The following GPC3 variants were observed in gnomAD, a reference collection of about 807,000 sequenced individuals.
GPC3 encodes glypican 3.
A neutral mutation model predicts 34.4 loss-of-function variants in GPC3; 3 were observed. The ratio of observed to expected loss-of-function variants is 0.09; its 90% CI spans 0.04 to 0.23. The LOEUF is 0.23. Ranked by LOEUF, GPC3 falls within the 10% of genes least tolerant of loss-of-function variation. The pLI is 1.00. For synonymous variants in GPC3, 177 were observed against 174.0 expected (o/e 1.02, Z -0.13); for missense variants, 351 against 445.6 (o/e 0.79, Z 1.91).
At chrX:133,767,048 T>C (rs2071854715) in intron 2 of GPC3, among the ~76,000 whole-genome samples, 1 of 112,331 alleles carries the variant, frequency 8.9e-6, no homozygotes, top group Non-Finnish European at 1.9e-5. Context: ...CAGCCAAGAT[T>C]TGAATATAAG....
intron 2 of GPC3, among the ~76,000 whole-genome samples, chrX:133,798,968 G>A (rs1383004841): frequency 7.1e-5 from 8 of 111,908 alleles, no homozygotes; most frequent in South Asian, 3.8e-4. Flanking sequence ...GTAGGGTCCC[G>A]TGCAAAATAA....
intron 7 of GPC3, among the ~76,000 whole-genome samples, chrX:133,574,583 G>A (rs1028065878): frequency 9.8e-5 from 11 of 112,074 alleles, no homozygotes; most frequent in Middle Eastern, 4.6e-3. Context: ...AAGGTTGTAG[G>A]TTTTTCAAAC....
chrX:133,704,369 C>T, intron 3 of GPC3: 1 of 366,258 alleles, frequency 2.7e-6, no homozygotes, highest in Non-Finnish European at 4.5e-6. Context: ...GCCTGAGGAA[C>T]CTGTAATAAA....
chrX:133,584,738 C>G (rs1399443657), intron 7 of GPC3, among the ~76,000 whole-genome samples: 2 of 110,902 alleles, frequency 1.8e-5, no homozygotes, highest in Non-Finnish European at 3.8e-5. Context: ...CTTGGCCTCC[C>G]AAGCTGCTGG....
intron 5 of GPC3, among the ~76,000 whole-genome samples, chrX:133,681,137 T>C (rs1383575229): frequency 8.9e-6 from 1 of 111,899 alleles, no homozygotes; most frequent in East Asian, 2.8e-4. Context: ...CAATAATAGC[T>C]ACCATTTTTG....
intron 7 of GPC3, among the ~76,000 whole-genome samples, chrX:133,542,959 A>C (rs2124266776): frequency 8.9e-6 from 1 of 111,902 alleles, no homozygotes; most frequent in African/African-American, 3.2e-5. Context: ...ATGTGAAATG[A>C]CTAGACTTTA....
intron 2 of GPC3, among the ~76,000 whole-genome samples, chrX:133,754,797 G>T (rs751206880): frequency 8.9e-6 from 1 of 112,128 alleles, no homozygotes; most frequent in South Asian, 3.7e-4. Flanking sequence ...TTGTATCTGG[G>T]TGGAAAAATA....
intron 3 of GPC3, among the ~76,000 whole-genome samples, chrX:133,752,979 C>A (rs185990316): frequency 8.9e-6 from 1 of 111,905 alleles, no homozygotes; most frequent in African/African-American, 3.2e-5. Flanking sequence ...ACTAACTTTA[C>A]GTGGGTGCTC....
chrX:133,574,989 C>T (rs1288546311), intron 7 of GPC3, among the ~76,000 whole-genome samples: 1 of 111,848 alleles, frequency 8.9e-6, no homozygotes, highest in African/African-American at 3.3e-5. Flanking sequence ...AAGGCATAGA[C>T]AGGAGTACCA....
intron 5 of GPC3, among the ~76,000 whole-genome samples, chrX:133,683,624 A>G (rs2070967518): frequency 8.9e-6 from 1 of 112,200 alleles, no homozygotes; most frequent in Non-Finnish European, 1.9e-5. Flanking sequence ...CAGGTTGTCT[A>G]TAGACATATC....
intron 2 of GPC3, among the ~76,000 whole-genome samples, chrX:133,880,449 C>G (rs1237537622): frequency 8.9e-6 from 1 of 111,929 alleles, no homozygotes; most frequent in Non-Finnish European, 1.9e-5. Flanking sequence ...GATCAAAGAT[C>G]TAGAGGCAGC....
intron 5 of GPC3, among the ~76,000 whole-genome samples, chrX:133,665,680 A>G (rs1451156663): frequency 8.9e-6 from 1 of 112,056 alleles, no homozygotes; most frequent in Non-Finnish European, 1.9e-5. Flanking sequence ...TCAAATACCA[A>G]TTGCCTTTGG....
At chrX:133,632,505 T>A (rs780625137) in intron 6 of GPC3, among the ~76,000 whole-genome samples, 48 of 111,844 alleles carry the variant, frequency 4.3e-4, no homozygotes, top group Non-Finnish European at 7.0e-4. Context: ...ATATATAATT[T>A]CTAAATTTCT....
chrX:133,713,897 A>G (rs1003481688), intron 3 of GPC3, among the ~76,000 whole-genome samples: 4 of 112,013 alleles, frequency 3.6e-5, no homozygotes, highest in African/African-American at 1.3e-4. Context: ...GACGTTATAT[A>G]ATGAAGTGTG....
intron 1 of GPC3, among the ~76,000 whole-genome samples, chrX:133,977,166 T>C (rs867894837): frequency 9.0e-6 from 1 of 110,975 alleles, no homozygotes; most frequent in Non-Finnish European, 1.9e-5. Context: ...TATTCTTACA[T>C]TCATTCCAAC....
At chrX:133,887,850 C>T in intron 2 of GPC3, among the ~76,000 whole-genome samples, 1 of 110,532 alleles carries the variant, frequency 9.0e-6, no homozygotes, top group Admixed American at 9.7e-5. Flanking sequence ...GTTTTTGTTG[C>T]CTGAGTTTTT....
At chrX:133,892,894 G>C (rs1272077349) in intron 2 of GPC3, among the ~76,000 whole-genome samples, 1 of 111,691 alleles carries the variant, frequency 9.0e-6, no homozygotes, top group African/African-American at 3.3e-5. Context: ...TATGCATCTT[G>C]AATTACTTTA....
At chrX:133,748,940 T>C (rs781086802) in intron 3 of GPC3, among the ~76,000 whole-genome samples, 2 of 111,592 alleles carry the variant, frequency 1.8e-5, no homozygotes, top group Non-Finnish European at 3.8e-5. Context: ...CAAGGGAGCA[T>C]CAGAATCAAC....
intron 2 of GPC3, among the ~76,000 whole-genome samples, chrX:133,891,469 G>T (rs2076086968): frequency 9.1e-6 from 1 of 110,468 alleles, no homozygotes; most frequent in African/African-American, 3.3e-5. Flanking sequence ...CAATAAAGTT[G>T]TCATTTTAAA....
Sources: allele counts gnomAD v4.1 joint callset (sites outside exome capture counted in the v4.1 genomes callset), GRCh38; gene constraint gnomAD v4.1.1; transcripts MANE v1.5; gene names NCBI Gene and HGNC (gene_info 2026-07-23, HGNC 2026-07-21).